Variants in XRCC2 observed in about 807,000 individuals in gnomAD.
XRCC2 encodes the protein DNA repair protein XRCC2.
In XRCC2, 24 loss-of-function variants were observed where a neutral mutation model predicts 27.3. The ratio of observed to expected loss-of-function variants is 0.88; its 90% CI spans 0.64 to 1.24. XRCC2 has a LOEUF of 1.24. Ranked by LOEUF, XRCC2 falls within the 50% of genes most tolerant of loss-of-function variation. The pLI, the probability that XRCC2 is intolerant of heterozygous loss-of-function variation, is 0.00. For missense variants in XRCC2, 321 were observed against 325.8 expected, an observed-to-expected ratio of 0.99 and a Z score of 0.11; for synonymous variants, 106 against 115.4, an observed-to-expected ratio of 0.92 and a Z score of 0.52.
At chr7:152,653,229 C>T (rs997634369) in intron 2 of XRCC2, among the ~76,000 whole-genome samples, 1 of 152,090 alleles carries the variant, frequency 6.6e-6, no homozygotes, top group African/African-American at 2.4e-5. Context: ...TTGCTGCCAT[C>T]CACGTAGGAT....
In XRCC2 at chr7:152,645,084, A is replaced by G. The variant is rs1047495327; in HGVS notation, c.*3558T>C. ...CAAGAGTGTGTTTACGTAAAATTAAATGAGCGCTGGCAGTGAGCTGCACTT... is the reference window on the plus strand; with the variant it reads ...CAAGAGTGTGTTTACGTAAAATTAAGTGAGCGCTGGCAGTGAGCTGCACTT... On this transcript the variant is annotated 3_prime_UTR_variant, in exon 3 of 3. Transcript: ENST00000359321. The G allele has an allele frequency of 7.9e-5, 12 of 152,200 alleles. No homozygotes were observed. The highest frequency in any genetic ancestry group is 2.9e-4 in the African/African-American group (12 of 41,454). 9.4% of individuals were successfully genotyped at this position (152,200 alleles called of 1,614,324 possible).
At chr7:152,675,756 A>T (rs920761776) in intron 1 of XRCC2, among the ~76,000 whole-genome samples, 3 of 152,130 alleles carry the variant, frequency 2.0e-5, no homozygotes, top group African/African-American at 7.2e-5. Context: ...CTCGTATGTT[A>T]TATCGATCTG....
rs569145021 is a variant in XRCC2, at chr7:152,664,445, C to T, written c.40-3663G>A. Among the ~76,000 whole-genome samples the T allele has an allele frequency of 5.9e-5, 9 of 152,242 alleles. No homozygotes were observed. The East Asian group carries it at 1.4e-3, about 23-fold the overall frequency. ...AAGGATCCATCCTCACTAATGCAGA[C>T]GGGCATCCTCCAATCCCTCTTTTCT... On this transcript the variant is annotated intron_variant, in intron 1 of 2. Coordinates refer to ENST00000359321, the MANE Select transcript of XRCC2 (RefSeq NM_005431.2).
intron 1 of XRCC2, among the ~76,000 whole-genome samples, chr7:152,675,788 A>C (rs890441081): frequency 6.6e-6 from 1 of 152,182 alleles, no homozygotes; most frequent in Admixed American, 6.5e-5. Context: ...AGTCTTCCAA[A>C]GAAAGACTTC....
In XRCC2 at chr7:152,658,340, C is replaced by A. The variant is rs533305282; in HGVS notation, c.121+2361G>T. ...TAATTTTTTCTATTTTTAGTAGAGACGGGGTTTCACCATGTCGGCCAGGCT... is the reference window on the plus strand; with the variant it reads ...TAATTTTTTCTATTTTTAGTAGAGAAGGGGTTTCACCATGTCGGCCAGGCT... On this transcript the variant is annotated intron_variant, in intron 2 of 2. Coordinates refer to ENST00000359321, the MANE Select transcript of XRCC2 (RefSeq NM_005431.2). 7.9e-5 allele frequency among the ~76,000 whole-genome samples: 12 copies of A among 152,128 alleles called. 1 individual carries two copies. The East Asian group carries it at 2.1e-3, about 27-fold the overall frequency.
intron 1 of XRCC2, among the ~76,000 whole-genome samples, chr7:152,663,346 T>TAAAAAAA (rs530664762): frequency 0.015 from 1,198 of 80,752 alleles, 132 homozygotes; most frequent in East Asian, 0.017. Flanking sequence ...GTCTTTGAAG[T>TAAAAAAA]AAAAAAAAAA....
intron 1 of XRCC2, among the ~76,000 whole-genome samples, chr7:152,668,243 G>A (rs773792606): frequency 1.3e-5 from 2 of 152,078 alleles, no homozygotes; most frequent in Non-Finnish European, 2.9e-5. Flanking sequence ...TCCCACGTGG[G>A]ACATGAATCA....
intron 1 of XRCC2, 124 bp from the exon 2 acceptor site, chr7:152,660,906 C>T (rs2098032830): frequency 1.3e-6 from 1 of 779,248 alleles, no homozygotes; most frequent in East Asian, 2.8e-5. Flanking sequence ...CTGTGGCTCA[C>T]ACCTGTAATC....
chr7:152,655,633 C>T (rs564612527), intron 2 of XRCC2, among the ~76,000 whole-genome samples: 3 of 152,214 alleles, frequency 2.0e-5, no homozygotes, highest in East Asian at 1.9e-4. Flanking sequence ...CACCTGAGCC[C>T]GGGGGTTGGT....
chr7:152,660,857 T>G lies in XRCC2; in HGVS notation c.40-75A>C, dbSNP rs1175523374. ...CTAGACATCTATATTTATACCATTT[T>G]CCGAAAGTCTGTAAGATTTCATAAC... On this transcript the variant is annotated intron_variant, in intron 1 of 2. Coordinates refer to ENST00000359321, the MANE Select transcript of XRCC2 (RefSeq NM_005431.2). 24 of 1,295,258 alleles carry G rather than the reference T, an allele frequency of 1.9e-5. No individual in the cohort carries two copies. In the South Asian group the frequency reaches 2.0e-4, roughly 11 times the overall value. 80.2% of individuals were successfully genotyped at this position (1,295,258 alleles called of 1,614,324 possible).
At chr7:152,671,262 G>A (rs2117009642) in intron 1 of XRCC2, among the ~76,000 whole-genome samples, 1 of 152,208 alleles carries the variant, frequency 6.6e-6, no homozygotes, top group East Asian at 1.9e-4. Flanking sequence ...AAAACCTCCA[G>A]AGAAAGCGTA....
At chr7:152,662,611 C>G (rs1161696571) in intron 1 of XRCC2, among the ~76,000 whole-genome samples, 1 of 119,164 alleles carries the variant, frequency 8.4e-6, no homozygotes. Context: ...CTCGCTCTGT[C>G]GCCCAGGCTG....
Position 152,648,998 on chromosome 7 carries a change from C to T in XRCC2, c.487G>A (p.Gly163Arg), listed in dbSNP as rs2116987722. The change falls in exon 3 of 3, where the codon GGA (glycine) becomes AGA (arginine). Residue 163 changes from glycine (G) to arginine (R), a missense_variant. By Grantham distance (125) the Gly-to-Arg change is moderately radical. Transcript: ENST00000359321. ...GACTCCTGTAAGTTCACACTTTCTC[C>T]TCCATTGACGCGGTCTATCCAGTAA... The part of the protein sequence containing the change: ...AFYWIDRVNG[G>R]ESVNLQESTL... 2 of 1,614,196 alleles carry T rather than the reference C, an allele frequency of 1.2e-6. No homozygotes were observed. Among genetic ancestry groups the T allele is most frequent in the Non-Finnish European group, 1.7e-6 (2 of 1,180,046 alleles).
intron 1 of XRCC2, among the ~76,000 whole-genome samples, chr7:152,670,498 G>C (rs2098037723): frequency 6.6e-6 from 1 of 152,212 alleles, no homozygotes; most frequent in Non-Finnish European, 1.5e-5. Flanking sequence ...TTACACAGAA[G>C]TCCGTGAGTA....
At chr7:152,672,412 T>C (rs1026378534) in intron 1 of XRCC2, among the ~76,000 whole-genome samples, 1 of 152,232 alleles carries the variant, frequency 6.6e-6, no homozygotes, top group African/African-American at 2.4e-5. Flanking sequence ...TCAACCTTTA[T>C]TATCAGTAAA....
chr7:152,666,624 T>C, intron 1 of XRCC2, among the ~76,000 whole-genome samples: 1 of 151,140 alleles, frequency 6.6e-6, no homozygotes, highest in Admixed American at 6.6e-5. Flanking sequence ...TTCTTTATTT[T>C]TTTTTTTTTT....
At chr7:152,655,244 T>C (rs1590132133) in intron 2 of XRCC2, among the ~76,000 whole-genome samples, 1 of 152,110 alleles carries the variant, frequency 6.6e-6, no homozygotes, top group Non-Finnish European at 1.5e-5. Flanking sequence ...AATCTAAAGA[T>C]CCTTCAAAAT....
At position 152,649,181 on chromosome 7, in the gene XRCC2, G is replaced by C; in HGVS notation, c.304C>G (p.Gln102Glu). Residue 102 changes from glutamine (Q) to glutamate (E), a missense_variant, in exon 3 of 3, where the codon CAA becomes GAA. Gln to Glu is a conservative substitution (Grantham distance 29, BLOSUM62 2). Coordinates refer to ENST00000359321, the MANE Select transcript of XRCC2 (RefSeq NM_005431.2). ...LVTILEHRLS[Q>E]SSEEIIKYCL... is the part of the protein sequence containing the mutation. ...TATTTGATTATTTCTTCAGAGCTTTGGGATAGTCTGTGCTCAAGAATTGTA... is the reference window on the plus strand; with the variant it reads ...TATTTGATTATTTCTTCAGAGCTTTCGGATAGTCTGTGCTCAAGAATTGTA... 6.2e-7 allele frequency: 1 copy of C among 1,613,684 alleles called. No homozygotes were observed. The highest frequency in any genetic ancestry group is 8.5e-7 in the Non-Finnish European group (1 of 1,179,996).
At chr7:152,665,490 T>TTTA (rs2098035203) in intron 1 of XRCC2, among the ~76,000 whole-genome samples, 1 of 109,578 alleles carries the variant, frequency 9.1e-6, no homozygotes, top group Non-Finnish European at 1.8e-5. Context: ...GACAAACCTT[T>TTTA]TTTTTTTTTT....
Sources: gnomAD v4.1 joint callset for allele counts (sites outside exome capture counted in the v4.1 genomes callset) on GRCh38, gnomAD v4.1.1 for gene constraint, MANE v1.5 for transcripts, NCBI Gene and HGNC (gene_info 2026-07-23, HGNC 2026-07-21) for gene names.